Variants in IL15 observed in about 807,000 individuals in gnomAD.
IL15 encodes interleukin 15, also known as interleukin-15.
In IL15, 11 loss-of-function variants were observed where a neutral mutation model predicts 19.6. The ratio of observed to expected loss-of-function variants is 0.56; its 90% CI spans 0.35 to 0.93. The LOEUF (loss-of-function observed/expected upper bound fraction) is 0.93, where lower values mean the gene tolerates loss of function less well. IL15 is among the 40% of genes least tolerant of loss of function. IL15 has a pLI of 0.01. For missense variants in IL15, 197 were observed against 186.5 expected (o/e 1.06, Z -0.33); for synonymous variants, 58 against 59.6 (o/e 0.97, Z 0.12).
intron 6 of IL15, among the ~76,000 whole-genome samples, chr4:141,728,723 C>G: frequency 6.6e-6 from 1 of 152,088 alleles, no homozygotes; most frequent in East Asian, 1.9e-4. Context: ...AAACCATAGT[C>G]AGAAACTAGA....
intron 2 of IL15, among the ~76,000 whole-genome samples, chr4:141,662,758 G>A (rs1439648097): frequency 6.6e-6 from 1 of 151,032 alleles, no homozygotes; most frequent in African/African-American, 2.4e-5. Context: ...TTCTTCCTTT[G>A]TTGTTATTAC....
At chr4:141,724,315 G>T (rs1382669389) in intron 5 of IL15, among the ~76,000 whole-genome samples, 2 of 151,874 alleles carry the variant, frequency 1.3e-5, no homozygotes, top group Non-Finnish European at 2.9e-5. Context: ...TGTGGCTAAA[G>T]CAATACTGAC....
chr4:141,720,663 T>C, intron 4 of IL15, 97 bp downstream of exon 4: 2 of 779,348 alleles, frequency 2.6e-6, no homozygotes, highest in South Asian at 1.4e-5. Context: ...TTCAGTTTGC[T>C]TATATCTCTA....
Position 141,688,311 on chromosome 4 carries a change from C to T in IL15, c.-99-31055C>T, listed in dbSNP as rs142655123. 2.4e-3 allele frequency among the ~76,000 whole-genome samples: 371 copies of T among 152,280 alleles called. 11 individuals are homozygous for T. In the East Asian group the frequency reaches 0.049, roughly 20 times the overall value. ...CATAAACCAGTCTCAGAGTCTCATTCTTAGAGACCACTACCTGAAGCATTT... is the reference window on the plus strand; with the variant it reads ...CATAAACCAGTCTCAGAGTCTCATTTTTAGAGACCACTACCTGAAGCATTT... On this transcript the variant is annotated intron_variant, in intron 2 of 7. Coordinates refer to ENST00000320650, the MANE Select transcript of IL15 (RefSeq NM_000585.5).
intron 1 of IL15, among the ~76,000 whole-genome samples, chr4:141,648,150 A>G (rs188429029): frequency 2.2e-4 from 33 of 152,134 alleles, no homozygotes; most frequent in African/African-American, 7.7e-4. Context: ...TGGTGATCAC[A>G]TGGCTTTTGG....
chr4:141,674,886 A>G (rs1195772742), intron 2 of IL15, among the ~76,000 whole-genome samples: 1 of 152,176 alleles, frequency 6.6e-6, no homozygotes, highest in African/African-American at 2.4e-5. Context: ...ACCATTACTT[A>G]TATCATAGTT....
chr4:141,640,578 A>C, intron 1 of IL15, among the ~76,000 whole-genome samples: 1 of 151,922 alleles, frequency 6.6e-6, no homozygotes, highest in Non-Finnish European at 1.5e-5. Flanking sequence ...TTTTTTAAAC[A>C]AACAAAAAAA....
chr4:141,689,731 A>G (rs1728843483), intron 2 of IL15, among the ~76,000 whole-genome samples: 1 of 152,178 alleles, frequency 6.6e-6, no homozygotes, highest in Admixed American at 6.5e-5. Context: ...TGTATTTACA[A>G]TCCCTGAGCT....
chr4:141,705,474 T>C (rs969129487), intron 2 of IL15, among the ~76,000 whole-genome samples: 1 of 152,068 alleles, frequency 6.6e-6, no homozygotes, highest in Non-Finnish European at 1.5e-5. Flanking sequence ...TTCTTAAAAA[T>C]TTTAAGACTT....
intron 2 of IL15, among the ~76,000 whole-genome samples, chr4:141,687,426 A>G (rs1728744857): frequency 6.6e-6 from 1 of 152,216 alleles, no homozygotes; most frequent in South Asian, 2.1e-4. Flanking sequence ...TGCTGACAGC[A>G]TCTGCTGCAA....
chr4:141,702,747 T>C (rs1462660625), intron 2 of IL15, among the ~76,000 whole-genome samples: 1 of 152,230 alleles, frequency 6.6e-6, no homozygotes, highest in Non-Finnish European at 1.5e-5. Flanking sequence ...GCAGTGGGAT[T>C]TGAGCTTGCT....
intron 1 of IL15, among the ~76,000 whole-genome samples, chr4:141,642,705 C>T (rs996638267): frequency 6.6e-6 from 1 of 152,226 alleles, no homozygotes; most frequent in African/African-American, 2.4e-5. Context: ...TTCATGGGTC[C>T]TGCTCAAAAT....
intron 1 of IL15, among the ~76,000 whole-genome samples, chr4:141,650,308 A>G (rs1410819680): frequency 1.3e-5 from 2 of 152,126 alleles, no homozygotes; most frequent in African/African-American, 4.8e-5. Context: ...GGTGGTACCA[A>G]TGATGGTGTA....
chr4:141,664,342 A>AACACACACACACAC (rs35153516), intron 2 of IL15, among the ~76,000 whole-genome samples: 131 of 131,016 alleles, frequency 1.0e-3, no homozygotes, highest in Non-Finnish European at 1.5e-3. Context: ...TGGTGGGCAA[A>AACACACACACACAC]ACACACACAC....
intron 5 of IL15, among the ~76,000 whole-genome samples, chr4:141,724,887 C>G (rs754817702): frequency 6.6e-6 from 1 of 152,040 alleles, no homozygotes; most frequent in African/African-American, 2.4e-5. Context: ...GCATTAACAA[C>G]AATTGTACAG....
At chr4:141,724,691 A>G (rs1730200814) in intron 5 of IL15, among the ~76,000 whole-genome samples, 1 of 152,066 alleles carries the variant, frequency 6.6e-6, no homozygotes, top group Non-Finnish European at 1.5e-5. Context: ...CACAAATCTG[A>G]TAACTTAGAG....
At chr4:141,730,590 A>G (rs1358166199) in intron 7 of IL15, among the ~76,000 whole-genome samples, 2 of 152,146 alleles carry the variant, frequency 1.3e-5, no homozygotes, top group African/African-American at 4.8e-5. Flanking sequence ...AAATGCTTTA[A>G]AAAGATAACA....
intron 1 of IL15, among the ~76,000 whole-genome samples, chr4:141,638,757 A>G (rs1356969977): frequency 6.6e-6 from 1 of 152,198 alleles, no homozygotes; most frequent in Admixed American, 6.5e-5. Flanking sequence ...GCCTCTGATG[A>G]ATTTCAGGAC....
chr4:141,638,387 C>T (rs1224055205), intron 1 of IL15, among the ~76,000 whole-genome samples: 1 of 152,198 alleles, frequency 6.6e-6, no homozygotes, highest in Non-Finnish European at 1.5e-5. Context: ...GCAGTATCAT[C>T]TGCTTTGCAA....
Sources: allele counts gnomAD v4.1 joint callset (sites outside exome capture counted in the v4.1 genomes callset), GRCh38; gene constraint gnomAD v4.1.1; transcripts MANE v1.5; gene names NCBI Gene and HGNC (gene_info 2026-07-23, HGNC 2026-07-21).